Variants in SPOCK3 observed in about 807,000 individuals in gnomAD.
SPOCK3 encodes the protein testican-3.
Under a neutral mutation model 56.6 loss-of-function variants are expected in SPOCK3, and 30 were observed. The ratio of observed to expected loss-of-function variants is 0.53; its 90% CI spans 0.40 to 0.72. The LOEUF is 0.72. SPOCK3 is among the 30% of genes least tolerant of loss of function. SPOCK3 has a pLI of 0.00. For missense variants in SPOCK3, 527 were observed against 530.0 expected (o/e 0.99, Z 0.06); for synonymous variants, 196 against 183.3 (o/e 1.07, Z -0.56).
intron 6 of SPOCK3, among the ~76,000 whole-genome samples, chr4:166,829,698 AT>A: frequency 6.6e-6 from 1 of 152,164 alleles, no homozygotes; most frequent in African/African-American, 2.4e-5. Context: ...AACAGGACTT[AT>A]TGACTGTATC....
chr4:167,055,865 TG>T (rs1377469351), intron 3 of SPOCK3, among the ~76,000 whole-genome samples: 2 of 152,152 alleles, frequency 1.3e-5, no homozygotes, highest in African/African-American at 4.8e-5. Flanking sequence ...GCTCCACCTC[TG>T]GGGGCAGGGC....
chr4:166,752,571 T>TAC (rs1491363175), intron 8 of SPOCK3, among the ~76,000 whole-genome samples: 204 of 13,294 alleles, frequency 0.015, no homozygotes, highest in African/African-American at 0.049. Context: ...TATATATATA[T>TAC]ATACACACAC....
intron 2 of SPOCK3, among the ~76,000 whole-genome samples, chr4:167,149,656 A>G (rs1012492787): frequency 1.2e-4 from 18 of 152,070 alleles, no homozygotes; most frequent in African/African-American, 4.3e-4. Context: ...ACACATGGCT[A>G]TTACTATTGC....
intron 5 of SPOCK3, among the ~76,000 whole-genome samples, chr4:166,893,045 G>C (rs1047989261): frequency 6.6e-6 from 1 of 151,996 alleles, no homozygotes. Flanking sequence ...TGACATTTGA[G>C]ACAATTTTGT....
intron 2 of SPOCK3, among the ~76,000 whole-genome samples, chr4:167,185,065 T>C (rs909097877): frequency 1.3e-5 from 2 of 152,186 alleles, no homozygotes; most frequent in African/African-American, 2.4e-5. Flanking sequence ...GTGTTGTGGA[T>C]GGTTGGAAAT....
At chr4:166,849,546 A>C (rs1423219426) in intron 6 of SPOCK3, among the ~76,000 whole-genome samples, 1 of 152,176 alleles carries the variant, frequency 6.6e-6, no homozygotes, top group Non-Finnish European at 1.5e-5. Context: ...AAGAAATTTA[A>C]AGGCATCTAT....
chr4:166,801,413 A>T lies in SPOCK3; in HGVS notation c.590-9124T>A, dbSNP rs185032545. On this transcript the variant is annotated intron_variant, in intron 6 of 10. Transcript: ENST00000357545. ...CATGACCGTATATGGTAGATACAAAAATTCCATTATATGAATATATCATAA... is the reference window on the plus strand; with the variant it reads ...CATGACCGTATATGGTAGATACAAATATTCCATTATATGAATATATCATAA... Among the ~76,000 whole-genome samples, 21 of 152,254 alleles carry T rather than the reference A, an allele frequency of 1.4e-4. No homozygotes were observed. In the East Asian group the frequency reaches 4.1e-3, roughly 29 times the overall value.
rs2242115 is a variant in SPOCK3 at position 166,737,414 on chromosome 4, A to G, written c.1132+53T>C. 3.2e-3 allele frequency: 4,967 copies of G among 1,560,806 alleles called. 162 individuals are homozygous for G. The East Asian group carries it at 0.081, about 26-fold the overall frequency. On this transcript the variant is annotated intron_variant, in intron 10 of 10. Coordinates refer to ENST00000357545, the MANE Select transcript of SPOCK3 (RefSeq NM_001040159.2). ...CTTGAACAAATGAATGAGGCTCTAAAGCACTTAATTCTGTGCTTAGAAAAT... is the reference window on the plus strand; with the variant it reads ...CTTGAACAAATGAATGAGGCTCTAAGGCACTTAATTCTGTGCTTAGAAAAT...
intron 2 of SPOCK3, among the ~76,000 whole-genome samples, chr4:167,160,248 C>A (rs1361759623): frequency 2.0e-5 from 3 of 152,188 alleles, no homozygotes; most frequent in South Asian, 4.2e-4. Flanking sequence ...ACACCAATAA[C>A]GGACAAACAG....
intron 2 of SPOCK3, among the ~76,000 whole-genome samples, chr4:167,199,908 A>T (rs1045828593): frequency 3.3e-5 from 5 of 151,482 alleles, no homozygotes; most frequent in African/African-American, 9.7e-5. Context: ...TAAATAAAAA[A>T]ATATGTAATT....
chr4:167,214,917 G>C (rs1277597091), intron 2 of SPOCK3, among the ~76,000 whole-genome samples: 4 of 151,694 alleles, frequency 2.6e-5, no homozygotes, highest in African/African-American at 9.7e-5. Context: ...TGGCTGCTTG[G>C]AAGAGCAAAA....
chr4:167,127,813 A>C (rs182698875), intron 2 of SPOCK3, among the ~76,000 whole-genome samples: 1 of 152,378 alleles, frequency 6.6e-6, no homozygotes, highest in Admixed American at 6.5e-5. Context: ...GATCTGAAAA[A>C]GTTGAGAAGA....
chr4:167,119,016 T>G (rs531089890), intron 2 of SPOCK3, among the ~76,000 whole-genome samples: 2 of 151,132 alleles, frequency 1.3e-5, no homozygotes, highest in Non-Finnish European at 2.9e-5. Flanking sequence ...TCTACATGCC[T>G]AGAAATCTGG....
intron 3 of SPOCK3, among the ~76,000 whole-genome samples, chr4:167,012,414 A>C (rs1298429299): frequency 6.6e-6 from 1 of 152,012 alleles, no homozygotes; most frequent in East Asian, 1.9e-4. Context: ...TATGGCAAAC[A>C]CATAAGCAAA....
At chr4:166,889,015 A>T in intron 6 of SPOCK3, 115 bp downstream of exon 6, 1 of 674,056 alleles carries the variant, frequency 1.5e-6, no homozygotes, top group East Asian at 2.8e-5. Flanking sequence ...TATAAATGAT[A>T]TTGGGTATTT....
At chr4:167,106,266 T>C (rs1168579256) in intron 2 of SPOCK3, among the ~76,000 whole-genome samples, 3 of 151,656 alleles carry the variant, frequency 2.0e-5, no homozygotes, top group Admixed American at 2.0e-4. Context: ...TCCAAAAAAA[T>C]GAAATAATAT....
At chr4:167,206,233 A>G (rs539395340) in intron 2 of SPOCK3, among the ~76,000 whole-genome samples, 39 of 152,186 alleles carry the variant, frequency 2.6e-4, no homozygotes, top group African/African-American at 9.1e-4. Context: ...CTGAGGTAGG[A>G]GAATCACTTG....
chr4:167,059,271 C>T (rs1374795382), intron 3 of SPOCK3, among the ~76,000 whole-genome samples: 3 of 152,150 alleles, frequency 2.0e-5, no homozygotes, highest in Non-Finnish European at 1.5e-5. Context: ...GGGCTAATAT[C>T]CAGAATCTAC....
intron 6 of SPOCK3, among the ~76,000 whole-genome samples, chr4:166,827,404 A>AT (rs1182873800): frequency 6.6e-6 from 1 of 152,114 alleles, no homozygotes; most frequent in East Asian, 1.9e-4. Flanking sequence ...CTGGCATGAG[A>AT]TAAGCAGCCA....
Sources: allele counts gnomAD v4.1 joint callset (sites outside exome capture counted in the v4.1 genomes callset), GRCh38; gene constraint gnomAD v4.1.1; transcripts MANE v1.5; gene names NCBI Gene and HGNC (gene_info 2026-07-23, HGNC 2026-07-21).